Variants in FKBP15 observed in about 807,000 individuals in gnomAD.
FKBP15 encodes the protein FKBP prolyl isomerase family member 15, also known as FK506-binding protein 15.
A neutral mutation model predicts 158.1 loss-of-function variants in FKBP15; 106 were observed. That is an observed-to-expected ratio of 0.67 (90% CI 0.57 to 0.79). The LOEUF (loss-of-function observed/expected upper bound fraction) is 0.79, where lower values mean the gene tolerates loss of function less well. Among genes scored for constraint, FKBP15 ranks in the 30% least tolerant of loss-of-function variants. The pLI, the probability that FKBP15 is intolerant of heterozygous loss-of-function variation, is 0.00. For missense variants in FKBP15, 1,287 were observed against 1,479.1 expected, an observed-to-expected ratio of 0.87 and a Z score of 2.13; for synonymous variants, 547 against 548.6, an observed-to-expected ratio of 1.00 and a Z score of 0.04.
intron 27 of FKBP15, among the ~76,000 whole-genome samples, chr9:113,166,415 A>C (rs954615307): frequency 6.6e-6 from 1 of 152,236 alleles, no homozygotes; most frequent in African/African-American, 2.4e-5. Flanking sequence ...TATGAAGCAC[A>C]TGTACTGATT....
At chr9:113,200,002 G>A (rs1360510608) in intron 6 of FKBP15, 39 bp from the exon 7 acceptor site, 4 of 1,588,238 alleles carry the variant, frequency 2.5e-6, no homozygotes, top group Admixed American at 3.6e-5. Context: ...TGTAGTTTAA[G>A]CTCAATAAGT....
chr9:113,208,676 G>C (rs1434901093), intron 2 of FKBP15, among the ~76,000 whole-genome samples: 2 of 152,170 alleles, frequency 1.3e-5, no homozygotes, highest in East Asian at 1.9e-4. Context: ...TGGGGTAAAG[G>C]AGTATAAAAA....
At chr9:113,203,387 T>C (rs1830830103) in intron 4 of FKBP15, among the ~76,000 whole-genome samples, 1 of 152,192 alleles carries the variant, frequency 6.6e-6, no homozygotes, top group African/African-American at 2.4e-5. Context: ...TATACATATA[T>C]GTGCCCACGT....
rs562816996 is a variant in FKBP15, at chr9:113,217,053, G to A, written c.53+4138C>T. Among the ~76,000 whole-genome samples, 8 of 151,542 alleles carry A rather than the reference G, an allele frequency of 5.3e-5. No individual in the cohort carries two copies. In the South Asian group the frequency reaches 1.0e-3, roughly 20 times the overall value. On this transcript the variant is annotated intron_variant, in intron 1 of 27. Coordinates refer to ENST00000238256, the MANE Select transcript of FKBP15 (RefSeq NM_015258.2). ...TGAGCACCCGAGATTACAGGTGCCC[G>A]CCACCAGGCCTGGCTAATTTTTGTA...
intron 11 of FKBP15, among the ~76,000 whole-genome samples, chr9:113,191,499 T>C (rs1026373851): frequency 1.3e-5 from 2 of 151,836 alleles, no homozygotes; most frequent in Non-Finnish European, 2.9e-5. Context: ...TCGTAACTGA[T>C]GATGTATCCA....
chr9:113,208,813 T>C (rs754886691), intron 2 of FKBP15, among the ~76,000 whole-genome samples: 1 of 151,784 alleles, frequency 6.6e-6, no homozygotes, highest in Non-Finnish European at 1.5e-5. Flanking sequence ...TTGAGACCAG[T>C]CTGGCCAACA....
At chr9:113,180,861 A>G (rs1830383260) in intron 19 of FKBP15, among the ~76,000 whole-genome samples, 1 of 152,180 alleles carries the variant, frequency 6.6e-6, no homozygotes. Flanking sequence ...AATTTCATTT[A>G]CCAAATATTC....
intron 27 of FKBP15, among the ~76,000 whole-genome samples, chr9:113,167,776 C>G (rs1830121076): frequency 6.6e-6 from 1 of 152,184 alleles, no homozygotes. Flanking sequence ...CGGTTGTAAC[C>G]TAGCACAGCG....
chr9:113,204,613 C>T (rs776214836), intron 4 of FKBP15, among the ~76,000 whole-genome samples: 3 of 152,140 alleles, frequency 2.0e-5, no homozygotes, highest in African/African-American at 4.8e-5. Context: ...ATTACATGGA[C>T]GTTAGACCAT....
At chr9:113,168,991 T>TGCCCGCCACACTACAGCAGG (rs1830149931) in intron 26 of FKBP15, among the ~76,000 whole-genome samples, 1 of 145,752 alleles carries the variant, frequency 6.9e-6, no homozygotes, top group Non-Finnish European at 1.5e-5. Flanking sequence ...ACTACCACAG[T>TGCCCGCCACACTACAGCAGG]GCCCGCCACA....
At chr9:113,207,823 T>A (rs1328142244) in intron 2 of FKBP15, among the ~76,000 whole-genome samples, 5 of 152,168 alleles carry the variant, frequency 3.3e-5, no homozygotes, top group African/African-American at 4.8e-5. Context: ...TGATAGTGCC[T>A]AGGTCTGAAA....
chr9:113,187,689 CTT>C (rs1830508122), intron 14 of FKBP15, 102 bp downstream of exon 14: 2 of 920,550 alleles, frequency 2.2e-6, no homozygotes, highest in Non-Finnish European at 3.3e-6. Flanking sequence ...CAAACTCTGA[CTT>C]TGGGGAACTG....
Position 113,186,277 on chromosome 9 carries a change from T to A in FKBP15, c.1470A>T (p.Ala490=). The change falls in exon 15 of 28, where the codon GCA becomes GCT. Residue 490 remains alanine, a synonymous_variant. Transcript: ENST00000238256. ...QLQPVRPLYP[A]PLSQPPHFQG... ...GGAAATGGGGAGGCTGAGAGAGCGG[T>A]GCTGGGTACAAAGGCCGAACGGGCT... 6.4e-7 allele frequency: 1 copy of A among 1,567,510 alleles called. No individual in the cohort carries two copies. Among genetic ancestry groups the A allele is most frequent in the Non-Finnish European group, 8.7e-7 (1 of 1,155,456 alleles).
intron 8 of FKBP15, 125 bp from the exon 9 acceptor site, chr9:113,197,203 G>T: frequency 9.0e-7 from 1 of 1,106,474 alleles, no homozygotes; most frequent in Non-Finnish European, 1.3e-6. Flanking sequence ...CAGAGGTCGG[G>T]TCTGACTACT....
At chr9:113,189,682 C>T (rs1055956160) in intron 12 of FKBP15, among the ~76,000 whole-genome samples, 7 of 151,964 alleles carry the variant, frequency 4.6e-5, no homozygotes, top group African/African-American at 1.7e-4. Context: ...TTTTTCAAGA[C>T]CATCGCCCTT....
In FKBP15 at chr9:113,182,849, G is replaced by C; in HGVS notation, c.1831C>G (p.Leu611Val). 6.2e-7 allele frequency: 1 copy of C among 1,613,684 alleles called. No individual in the cohort carries two copies. Among genetic ancestry groups the C allele is most frequent in the Non-Finnish European group, 8.5e-7 (1 of 1,179,666 alleles). ...RNQRYVEQSN[L>V]MMEKRNNSLQ... The stretch of plus-strand genomic sequence containing the variant: ...GAGTTGTTCCTCTTCTCCATCATCA[G>C]GTTACTCTGCTCAACATACCTGTGA... The change falls in exon 19 of 28, where the codon CTG becomes GTG. Residue 611 changes from leucine (L) to valine (V), a missense_variant. By Grantham distance (32) the Leu-to-Val change is conservative. Transcript: ENST00000238256.
At chr9:113,204,473 T>G (rs1163440698) in intron 4 of FKBP15, among the ~76,000 whole-genome samples, 1 of 152,256 alleles carries the variant, frequency 6.6e-6, no homozygotes, top group Non-Finnish European at 1.5e-5. Flanking sequence ...CTCTCACTTT[T>G]GTTTGGCTGA....
In FKBP15 at chr9:113,171,752, AG is replaced by A. The variant is rs1238728671; in HGVS notation, c.2533-47del. ...GGCTGTGGCCTCAGGAACCAGGTGA[AG>A]GTCAGAAAACCCAAGGGGAGGAGAA... On this transcript the variant is annotated intron_variant, in intron 23 of 27. Coordinates refer to ENST00000238256, the MANE Select transcript of FKBP15 (RefSeq NM_015258.2). The A allele has an allele frequency of 1.4e-6, 2 of 1,427,730 alleles. 1 individual carries two copies. Among genetic ancestry groups the A allele is most frequent in the South Asian group, 3.3e-5 (2 of 60,270 alleles). 88.4% of individuals were successfully genotyped at this position (1,427,730 alleles called of 1,614,324 possible).
rs1178074481 is a variant in FKBP15 at position 113,187,886 on chromosome 9, A to T, written c.1290T>A (p.Ser430=). The part of the protein sequence containing the change: ...PQMTSQAPQP[S]VTGLQAPSAA... ...CAGAAGGTGCCTGGAGCCCAGTAAC[A>T]GATGGCTGAGGTGCTAAGATAAAGG... The change falls in exon 14 of 28, where the codon TCT becomes TCA. Residue 430 remains serine, a synonymous_variant. Transcript: ENST00000238256. 1 of 1,613,738 alleles carries T rather than the reference A, an allele frequency of 6.2e-7. No individual in the cohort carries two copies. Among genetic ancestry groups the T allele is most frequent in the South Asian group, 1.1e-5 (1 of 91,050 alleles).
Sources: gnomAD v4.1 joint callset for allele counts (sites outside exome capture counted in the v4.1 genomes callset) on GRCh38, gnomAD v4.1.1 for gene constraint, MANE v1.5 for transcripts, NCBI Gene and HGNC (gene_info 2026-07-23, HGNC 2026-07-21) for gene names.